The following SLC26A3 variants were observed in gnomAD, a reference collection of about 807,000 sequenced individuals.
The protein encoded by SLC26A3 is solute carrier family 26 member 3.
SLC26A3 carries 64 observed loss-of-function variants against 85.6 expected under a neutral mutation model. The ratio of observed to expected loss-of-function variants is 0.75; its 90% confidence interval spans 0.61 to 0.92. The LOEUF (loss-of-function observed/expected upper bound fraction) is 0.92. Ranked by LOEUF, SLC26A3 falls within the 40% of genes least tolerant of loss-of-function variation. SLC26A3 has a pLI of 0.00. For synonymous variants in SLC26A3, 349 were observed against 336.0 expected (o/e 1.04, Z -0.42); for missense variants, 922 against 927.3 (o/e 0.99, Z 0.07).
intron 1 of SLC26A3, among the ~76,000 whole-genome samples, chr7:107,795,533 C>A (rs572544916): frequency 6.6e-6 from 1 of 152,220 alleles, no homozygotes; most frequent in Admixed American, 6.5e-5. Context: ...TTTATTCTTA[C>A]AAATGATAAA....
Position 107,781,310 on chromosome 7 carries a change from T to C in SLC26A3, c.1311+1487A>G, listed in dbSNP as rs370905001. On this transcript the variant is annotated intron_variant, in intron 11 of 20. Coordinates refer to ENST00000340010, the MANE Select transcript of SLC26A3 (RefSeq NM_000111.3). ...TATGAGCTTTTATTATGGGTTATTT[T>C]GCCTTCATATGATAAAAAGAAGCAA... Among the ~76,000 whole-genome samples the C allele has an allele frequency of 7.9e-5, 12 of 152,226 alleles. No individual in the cohort carries two copies. In the East Asian group the frequency reaches 1.3e-3, roughly 17 times the overall value.
At chr7:107,801,218 T>A (rs1402028348) in intron 1 of SLC26A3, among the ~76,000 whole-genome samples, 1 of 152,232 alleles carries the variant, frequency 6.6e-6, no homozygotes, top group East Asian at 1.9e-4. Flanking sequence ...AGAGCCAGGA[T>A]GAGAAGCCAC....
chr7:107,782,470 C>G (rs1794228496), intron 11 of SLC26A3, among the ~76,000 whole-genome samples: 1 of 152,144 alleles, frequency 6.6e-6, no homozygotes, highest in African/African-American at 2.4e-5. Flanking sequence ...TTACCTTAAC[C>G]TTTAAGAAAA....
At chr7:107,790,790 T>C (rs958875128) in intron 5 of SLC26A3, among the ~76,000 whole-genome samples, 4 of 142,452 alleles carry the variant, frequency 2.8e-5, no homozygotes. Flanking sequence ...AGCATTTCGC[T>C]TGTCACTGTT....
intron 11 of SLC26A3, 142 bp from the exon 12 acceptor site, chr7:107,779,905 G>A (rs957516503): frequency 1.2e-5 from 9 of 726,740 alleles, no homozygotes; most frequent in Non-Finnish European, 1.7e-5. Context: ...GGTGTGCGAT[G>A]CCACGCAAGA....
intron 3 of SLC26A3, among the ~76,000 whole-genome samples, chr7:107,792,653 GTTC>G (rs1341968688): frequency 6.6e-6 from 1 of 152,178 alleles, no homozygotes; most frequent in East Asian, 1.9e-4. Context: ...GTGTGGCCCA[GTTC>G]TTAACAGGCC....
intron 5 of SLC26A3, among the ~76,000 whole-genome samples, chr7:107,790,048 T>C (rs976120094): frequency 6.6e-6 from 1 of 152,220 alleles, no homozygotes; most frequent in African/African-American, 2.4e-5. Context: ...CCCTCATAAA[T>C]TTGCTGATGT....
chr7:107,772,231 A>AAGAGATAATAGTGTC, intron 17 of SLC26A3, 123 bp from the exon 18 acceptor site: 1 of 685,848 alleles, frequency 1.5e-6, no homozygotes, highest in South Asian at 1.6e-5. Flanking sequence ...ACATTTTGAA[A>AAGAGATAATAGTGTC]AGAGATAATA....
At chr7:107,777,828 T>C (rs1295261581) in intron 13 of SLC26A3, among the ~76,000 whole-genome samples, 1 of 152,186 alleles carries the variant, frequency 6.6e-6, no homozygotes, top group Non-Finnish European at 1.5e-5. Flanking sequence ...ATTTCCATGT[T>C]TAACAAGTAC....
chr7:107,767,435 A>G (rs1793933301), intron 20 of SLC26A3, 144 bp downstream of exon 20: 1 of 692,040 alleles, frequency 1.4e-6, no homozygotes, highest in Non-Finnish European at 2.6e-6. Context: ...ATTGGTTAGC[A>G]TTGCTTCAGT....
At position 107,786,877 on chromosome 7, in the gene SLC26A3, A is replaced by T; in HGVS notation, c.921T>A (p.Cys307Ter). Residue 307 changes from cysteine to a stop codon, truncating the protein, a stop_gained, in exon 8 of 21, where the codon TGT becomes TGA. Coordinates refer to ENST00000340010, the MANE Select transcript of SLC26A3 (RefSeq NM_000111.3). LOFTEE classifies it high-confidence loss of function. ...CCACTTTAAACCTGTTTTTAAAGTC[A>T]CAGCCGTAGGATACACCTGCTGCAA... ...TVIAAGVSYG[C>*]DFKNRFKVAV... 6.2e-7 allele frequency: 1 copy of T among 1,614,118 alleles called. No individual in the cohort carries two copies. Among genetic ancestry groups the T allele is most frequent in the Non-Finnish European group, 8.5e-7 (1 of 1,179,996 alleles).
chr7:107,777,260 G>T (rs1387621346), intron 13 of SLC26A3, among the ~76,000 whole-genome samples: 13 of 152,090 alleles, frequency 8.5e-5, no homozygotes, highest in Admixed American at 8.5e-4. Context: ...TTCAAAATAG[G>T]CTGAGCAACC....
intron 12 of SLC26A3, 78 bp from the exon 13 acceptor site, chr7:107,778,359 A>AAT: frequency 2.2e-6 from 1 of 453,046 alleles, no homozygotes; most frequent in Non-Finnish European, 3.5e-6. Flanking sequence ...TTTTAAAAAG[A>AAT]CTTTTTTTTT....
chr7:107,769,424 T>G (rs567111050), intron 18 of SLC26A3, among the ~76,000 whole-genome samples: 10 of 152,116 alleles, frequency 6.6e-5, no homozygotes, highest in Non-Finnish European at 1.2e-4. Flanking sequence ...AACAATATCC[T>G]TTGCAGGTAC....
At chr7:107,780,861 C>T (rs999762742) in intron 11 of SLC26A3, among the ~76,000 whole-genome samples, 1 of 152,102 alleles carries the variant, frequency 6.6e-6, no homozygotes, top group African/African-American at 2.4e-5. Context: ...ACTTAACATA[C>T]TATACTAATG....
At chr7:107,791,591 C>A (rs915884424) in intron 4 of SLC26A3, among the ~76,000 whole-genome samples, 1 of 151,580 alleles carries the variant, frequency 6.6e-6, no homozygotes, top group Non-Finnish European at 1.5e-5. Context: ...CAACCTGGGC[C>A]ACAAGAGCAA....
chr7:107,799,367 G>A (rs920896671), intron 1 of SLC26A3, among the ~76,000 whole-genome samples: 1 of 151,928 alleles, frequency 6.6e-6, no homozygotes, highest in Admixed American at 6.6e-5. Context: ...AGTGATTCAA[G>A]CCATCAATTT....
intron 18 of SLC26A3, among the ~76,000 whole-genome samples, chr7:107,771,092 G>A (rs1794022588): frequency 6.6e-6 from 1 of 151,716 alleles, no homozygotes; most frequent in Non-Finnish European, 1.5e-5. Flanking sequence ...AAATGGAGAG[G>A]AAGAGACTGA....
intron 6 of SLC26A3, among the ~76,000 whole-genome samples, chr7:107,787,947 T>C (rs551807491): frequency 6.6e-6 from 1 of 152,228 alleles, no homozygotes; most frequent in South Asian, 2.1e-4. Context: ...TCTTGGGGGG[T>C]TTACACCCCC....
Sources: allele counts gnomAD v4.1 joint callset (sites outside exome capture counted in the v4.1 genomes callset), GRCh38; gene constraint gnomAD v4.1.1; transcripts MANE v1.5; gene names NCBI Gene and HGNC (gene_info 2026-07-23, HGNC 2026-07-21).